Variants in NXPH1 observed in about 807,000 individuals in gnomAD.
NXPH1 encodes the protein neurexophilin 1.
NXPH1 carries 5 observed loss-of-function variants against 23.7 expected under a neutral mutation model. The ratio of observed to expected loss-of-function variants is 0.21; its 90% CI spans 0.11 to 0.44. The LOEUF (loss-of-function observed/expected upper bound fraction) is 0.44. Ranked by LOEUF, NXPH1 falls within the 20% of genes least tolerant of loss-of-function variation. The pLI, the probability that NXPH1 is intolerant of heterozygous loss-of-function variation, is 0.99. For missense variants in NXPH1, 324 were observed against 321.6 expected (o/e 1.01, Z -0.06); for synonymous variants, 144 against 122.2 (o/e 1.18, Z -1.18).
intron 2 of NXPH1, among the ~76,000 whole-genome samples, chr7:8,522,087 T>C (rs979275132): frequency 3.9e-5 from 6 of 152,220 alleles, no homozygotes; most frequent in Non-Finnish European, 8.8e-5. Context: ...GTAGTTATTG[T>C]TCTTAAGAGG....
intron 2 of NXPH1, among the ~76,000 whole-genome samples, chr7:8,676,280 A>T (rs982218193): frequency 1.3e-5 from 2 of 152,130 alleles, no homozygotes; most frequent in Non-Finnish European, 2.9e-5. Flanking sequence ...ACAGTGTTCA[A>T]ATTTTGTCCA....
chr7:8,518,952 A>G (rs1335575942), intron 2 of NXPH1, among the ~76,000 whole-genome samples: 1 of 151,914 alleles, frequency 6.6e-6, no homozygotes, highest in Non-Finnish European at 1.5e-5. Context: ...GGCTGGAGAT[A>G]GTGCATGCTG....
At chr7:8,739,171 TAAAAAAAAAAAAA>T (rs34593997) in intron 2 of NXPH1, among the ~76,000 whole-genome samples, 806 of 54,098 alleles carry the variant, frequency 0.015, 17 homozygotes, top group African/African-American at 0.055. Context: ...ACCAGTGGGG[TAAAAAAAAAAAAA>T]AAAAAAAAAA....
chr7:8,443,175 C>G (rs564574040), intron 2 of NXPH1, among the ~76,000 whole-genome samples: 3 of 152,388 alleles, frequency 2.0e-5, no homozygotes, highest in South Asian at 2.1e-4. Context: ...GCTCCCGTCT[C>G]TAGGTCCCCA....
At chr7:8,591,619 CA>C (rs1191748267) in intron 2 of NXPH1, among the ~76,000 whole-genome samples, 2 of 152,034 alleles carry the variant, frequency 1.3e-5, no homozygotes, top group Non-Finnish European at 2.9e-5. Flanking sequence ...CCATTATTTG[CA>C]AAGCCTGCTT....
intron 2 of NXPH1, among the ~76,000 whole-genome samples, chr7:8,732,567 G>A (rs1780176744): frequency 6.6e-6 from 1 of 152,208 alleles, no homozygotes; most frequent in East Asian, 1.9e-4. Context: ...AAATGAAATC[G>A]TTTTATGGGT....
intron 2 of NXPH1, among the ~76,000 whole-genome samples, chr7:8,703,552 AT>A (rs77248157): frequency 0.49 from 74,336 of 151,254 alleles, 19,148 homozygotes; most frequent in East Asian, 0.8. Context: ...AGCAGTACTG[AT>A]TTTTTTTTGC....
chr7:8,475,142 C>T (rs1816948160), intron 2 of NXPH1, among the ~76,000 whole-genome samples: 1 of 152,084 alleles, frequency 6.6e-6, no homozygotes, highest in Non-Finnish European at 1.5e-5. Context: ...CCTCTACATT[C>T]CTAGATTCCT....
At chr7:8,700,093 G>C (rs1314650861) in intron 2 of NXPH1, among the ~76,000 whole-genome samples, 1 of 152,100 alleles carries the variant, frequency 6.6e-6, no homozygotes, top group Non-Finnish European at 1.5e-5. Context: ...AAAGGCAGCA[G>C]AGCACATGTT....
At position 8,442,818 on chromosome 7, in the gene NXPH1, G is replaced by T. The variant is rs1816325175; in HGVS notation, c.54+7051G>T. ...GGAGCCCAAGTCCCCATGCAAAAGCGCTGTTTCTGGGTAATTTTCGTCGAC... is the reference window on the plus strand; with the variant it reads ...GGAGCCCAAGTCCCCATGCAAAAGCTCTGTTTCTGGGTAATTTTCGTCGAC... On this transcript the variant is annotated intron_variant, in intron 2 of 2. Coordinates refer to ENST00000405863, the MANE Select transcript of NXPH1 (RefSeq NM_152745.3). This position sits in a 1 kb window ranked among gnomAD's most constrained non-coding sequence, Gnocchi z 4.6. Among the ~76,000 whole-genome samples, 2 of 152,250 alleles carry T rather than the reference G, an allele frequency of 1.3e-5. No homozygotes were observed. Among genetic ancestry groups the T allele is most frequent in the African/African-American group, 2.4e-5 (1 of 41,480 alleles).
At chr7:8,684,481 A>G (rs1170342574) in intron 2 of NXPH1, among the ~76,000 whole-genome samples, 7 of 152,148 alleles carry the variant, frequency 4.6e-5, no homozygotes, top group Non-Finnish European at 1.0e-4. Flanking sequence ...TTAAGATGGT[A>G]TGTATGAAGG....
chr7:8,565,281 A>C (rs184446110), intron 2 of NXPH1, among the ~76,000 whole-genome samples: 1 of 151,914 alleles, frequency 6.6e-6, no homozygotes, highest in East Asian at 2.0e-4. Flanking sequence ...TTTTCTCTCA[A>C]GAGTATTTAC....
intron 2 of NXPH1, among the ~76,000 whole-genome samples, chr7:8,635,917 A>T (rs1295702976): frequency 6.6e-6 from 1 of 152,158 alleles, no homozygotes; most frequent in Non-Finnish European, 1.5e-5. Context: ...ATTTATAGAA[A>T]AAAAGTGCTG....
At chr7:8,669,328 G>T (rs10266556) in intron 2 of NXPH1, among the ~76,000 whole-genome samples, 9,717 of 152,108 alleles carry the variant, frequency 0.064, 689 homozygotes, top group East Asian at 0.25. Context: ...CTGAAACCTG[G>T]GGTAGTCGTG....
intron 2 of NXPH1, among the ~76,000 whole-genome samples, chr7:8,560,773 C>T (rs1818430620): frequency 6.6e-6 from 1 of 151,648 alleles, no homozygotes; most frequent in South Asian, 2.1e-4. Context: ...CTGCTTAGGT[C>T]AGGGGGCTTT....
In NXPH1 at chr7:8,737,311, C is replaced by G. The variant is rs139413595; in HGVS notation, c.55-13697C>G. On this transcript the variant is annotated intron_variant, in intron 2 of 2. Transcript: ENST00000405863. ...ATTTAGTGCTTCCTTCAGGAGCTCTCGTAAGGCAGGCCTGGTGGTGACAAG... is the reference window on the plus strand; with the variant it reads ...ATTTAGTGCTTCCTTCAGGAGCTCTGGTAAGGCAGGCCTGGTGGTGACAAG... Among the ~76,000 whole-genome samples, 90 of 152,210 alleles carry G rather than the reference C, an allele frequency of 5.9e-4. No individual in the cohort carries two copies. The Middle Eastern group carries it at 0.02, about 35-fold the overall frequency.
intron 2 of NXPH1, among the ~76,000 whole-genome samples, chr7:8,732,834 A>G (rs1315756137): frequency 1.3e-5 from 2 of 152,190 alleles, no homozygotes; most frequent in Non-Finnish European, 2.9e-5. Flanking sequence ...TGTAGACTTT[A>G]TAAGGACTAT....
intron 2 of NXPH1, among the ~76,000 whole-genome samples, chr7:8,639,896 C>G (rs1820280240): frequency 6.6e-6 from 1 of 152,048 alleles, no homozygotes; most frequent in South Asian, 2.1e-4. Flanking sequence ...ACTGTAAGAC[C>G]AATTAAACGT....
rs565004771 is a variant in NXPH1, at chr7:8,460,717, T to C, written c.54+24950T>C. Among the ~76,000 whole-genome samples, 33 of 152,278 alleles carry C rather than the reference T, an allele frequency of 2.2e-4. No individual in the cohort carries two copies. The East Asian group carries it at 5.8e-3, about 27-fold the overall frequency. Reference sequence around the variant, plus strand: ...CTTTTGTTTATTGCTTAATGGAAAGTAGAAAGAAAAACCACATGAGCCTTG... The same window carrying C: ...CTTTTGTTTATTGCTTAATGGAAAGCAGAAAGAAAAACCACATGAGCCTTG... On this transcript the variant is annotated intron_variant, in intron 2 of 2. Transcript: ENST00000405863.
Sources: allele counts gnomAD v4.1 joint callset (sites outside exome capture counted in the v4.1 genomes callset), GRCh38; gene constraint gnomAD v4.1.1; non-coding constraint Gnocchi (gnomAD v3.1); transcripts MANE v1.5; gene names NCBI Gene and HGNC (gene_info 2026-07-23, HGNC 2026-07-21).